Variants in CMSS1 observed in about 807,000 individuals in gnomAD.
The protein encoded by CMSS1 is cms1 ribosomal small subunit homolog, also known as protein CMSS1.
In CMSS1, 33 loss-of-function variants were observed where a neutral mutation model predicts 43.5. The ratio of observed to expected loss-of-function variants is 0.76; its 90% CI spans 0.57 to 1.01. The LOEUF (loss-of-function observed/expected upper bound fraction) is 1.01, where lower values mean the gene tolerates loss of function less well. CMSS1 is among the 50% of genes least tolerant of loss of function. The pLI, the probability that CMSS1 is intolerant of heterozygous loss-of-function variation, is 0.00. For synonymous variants in CMSS1, 115 were observed against 117.2 expected, an observed-to-expected ratio of 0.98 and a Z score of 0.12; for missense variants, 313 against 326.4, an observed-to-expected ratio of 0.96 and a Z score of 0.32.
intron 1 of CMSS1, among the ~76,000 whole-genome samples, chr3:100,023,833 T>G (rs897223055): frequency 1.3e-5 from 2 of 152,218 alleles, no homozygotes; most frequent in African/African-American, 4.8e-5. Context: ...TCCTTCACAG[T>G]GCTCATTGCC....
At position 99,849,690 on chromosome 3, in the gene CMSS1, C is replaced by G. The variant is rs774173611; in HGVS notation, c.64+31647C>G. ...GAGCTTTGTCTCGTTCATTAGCATA[C>G]CTTCGTTCTAGAGTCTCATATTCAT... On this transcript the variant is annotated intron_variant, in intron 1 of 9. Coordinates refer to ENST00000421999, the MANE Select transcript of CMSS1 (RefSeq NM_032359.4). 4 of 1,613,546 alleles carry G rather than the reference C, an allele frequency of 2.5e-6. No homozygotes were observed. The African/African-American group carries it at 5.3e-5, about 22-fold the overall frequency.
At chr3:100,022,138 A>G (rs919849865) in intron 1 of CMSS1, among the ~76,000 whole-genome samples, 7 of 152,206 alleles carry the variant, frequency 4.6e-5, no homozygotes, top group Non-Finnish European at 8.8e-5. Context: ...AAGCCCTTGG[A>G]AAAGAAATGA....
intron 1 of CMSS1, among the ~76,000 whole-genome samples, chr3:100,059,493 A>G (rs1439661391): frequency 6.6e-6 from 1 of 152,100 alleles, no homozygotes; most frequent in East Asian, 1.9e-4. Flanking sequence ...TTATTAAATA[A>G]TGGTGTGCTA....
At chr3:100,103,359 A>G (rs1181457248) in intron 1 of CMSS1, among the ~76,000 whole-genome samples, 1 of 152,230 alleles carries the variant, frequency 6.6e-6, no homozygotes, top group African/African-American at 2.4e-5. Flanking sequence ...CTCCATTCTG[A>G]AGGTTATTAT....
At chr3:100,105,799 T>C (rs991211692) in intron 1 of CMSS1, among the ~76,000 whole-genome samples, 1 of 152,194 alleles carries the variant, frequency 6.6e-6, no homozygotes, top group Admixed American at 6.6e-5. Context: ...CTTCTCCAAA[T>C]AGCATACCTC....
At chr3:99,883,869 A>T (rs973836680) in intron 1 of CMSS1, among the ~76,000 whole-genome samples, 3 of 152,218 alleles carry the variant, frequency 2.0e-5, no homozygotes, top group African/African-American at 7.2e-5. Context: ...TTTGTCTAAG[A>T]TCACAGAGCT....
At chr3:100,133,110 A>T (rs1415023378) in intron 1 of CMSS1, among the ~76,000 whole-genome samples, 1 of 152,112 alleles carries the variant, frequency 6.6e-6, no homozygotes, top group Non-Finnish European at 1.5e-5. Context: ...AAATATATAA[A>T]TGTTACATAT....
chr3:100,014,898 T>TA (rs34248769), intron 1 of CMSS1, among the ~76,000 whole-genome samples: 1 of 110,410 alleles, frequency 9.1e-6, no homozygotes, highest in Non-Finnish European at 2.0e-5. Flanking sequence ...TTTCTTTCTT[T>TA]TTTTTTTTTT....
At position 100,072,652 on chromosome 3, in the gene CMSS1, T is replaced by C. The variant is rs1050032130; in HGVS notation, c.65-74321T>C. Among the ~76,000 whole-genome samples the C allele has an allele frequency of 1.4e-4, 22 of 152,362 alleles. 1 individual carries two copies. Among genetic ancestry groups the C allele is most frequent in the South Asian group, 4.1e-4 (2 of 4,828 alleles). On this transcript the variant is annotated intron_variant, in intron 1 of 9. Coordinates refer to ENST00000421999, the MANE Select transcript of CMSS1 (RefSeq NM_032359.4). The stretch of plus-strand genomic sequence containing the variant: ...CTTCTTTGCAACAATTAGGAAATCT[T>C]TATTGCCTTCCAGAAATATGGGATT...
intron 1 of CMSS1, chr3:99,930,057 G>T: frequency 6.3e-7 from 1 of 1,575,392 alleles, no homozygotes. Flanking sequence ...ATTTCAGAAA[G>T]CCTGCTGTCT....
chr3:100,040,403 G>A lies in CMSS1; in HGVS notation c.65-106570G>A, dbSNP rs371508264. The A allele has an allele frequency of 2.2e-4, 34 of 152,134 alleles. No individual in the cohort carries two copies. The East Asian group carries it at 3.9e-3, about 17-fold the overall frequency. The allele number at this position is 152,134 out of a possible 1,614,324, so 9.4% of individuals were successfully genotyped here. On this transcript the variant is annotated intron_variant, in intron 1 of 9. Transcript: ENST00000421999. ...ATCATTTGTATAGTTCCAGATAATAGCATTCCATTTTAATATAGATGAGTA... is the reference window on the plus strand; with the variant it reads ...ATCATTTGTATAGTTCCAGATAATAACATTCCATTTTAATATAGATGAGTA...
At chr3:100,135,760 A>G (rs986572395) in intron 1 of CMSS1, among the ~76,000 whole-genome samples, 1 of 152,168 alleles carries the variant, frequency 6.6e-6, no homozygotes, top group African/African-American at 2.4e-5. Flanking sequence ...GAAATTTTGT[A>G]GCATTTAAGC....
intron 1 of CMSS1, among the ~76,000 whole-genome samples, chr3:99,872,408 G>C (rs1944846973): frequency 6.6e-6 from 1 of 151,046 alleles, no homozygotes; most frequent in African/African-American, 2.4e-5. Context: ...AATGTTTGCT[G>C]TTCTGATGTA....
At chr3:99,904,911 T>A (rs190443010) in intron 1 of CMSS1, among the ~76,000 whole-genome samples, 120 of 152,302 alleles carry the variant, frequency 7.9e-4, no homozygotes, top group African/African-American at 2.7e-3. Context: ...GTCTACATCC[T>A]CACCACCTTC....
chr3:100,156,972 T>C (rs1224896257), intron 2 of CMSS1, among the ~76,000 whole-genome samples: 1 of 152,068 alleles, frequency 6.6e-6, no homozygotes, highest in Non-Finnish European at 1.5e-5. Flanking sequence ...CCAGGGCTGG[T>C]CTCAAACTCC....
intron 8 of CMSS1, among the ~76,000 whole-genome samples, chr3:100,175,770 C>T (rs898058258): frequency 2.0e-5 from 3 of 152,250 alleles, no homozygotes; most frequent in Middle Eastern, 3.4e-3. Context: ...CCTCACAGTC[C>T]ATAATTGTCT....
chr3:99,820,018 G>T (rs1431053264), intron 1 of CMSS1, among the ~76,000 whole-genome samples: 2 of 151,892 alleles, frequency 1.3e-5, no homozygotes, highest in South Asian at 4.2e-4. Flanking sequence ...CTCCCAAAGT[G>T]CTGGGATTAC....
At chr3:99,872,269 C>CTGTGTGTGTGTGTGTGTGTGTGTG (rs55727823) in intron 1 of CMSS1, among the ~76,000 whole-genome samples, 3 of 110,820 alleles carry the variant, frequency 2.7e-5, no homozygotes, top group Non-Finnish European at 3.7e-5. Context: ...TGTGCCAGGA[C>CTGTGTGTGTGTGTGTGTGTGTGTG]TGTGTGTGTG....
chr3:99,866,050 A>G (rs1364759479), intron 1 of CMSS1, among the ~76,000 whole-genome samples: 3 of 151,192 alleles, frequency 2.0e-5, no homozygotes, highest in South Asian at 2.1e-4. Flanking sequence ...CTTAACCTCT[A>G]CTCTTCGTTG....
Sources: allele counts gnomAD v4.1 joint callset (sites outside exome capture counted in the v4.1 genomes callset), GRCh38; gene constraint gnomAD v4.1.1; transcripts MANE v1.5; gene names NCBI Gene and HGNC (gene_info 2026-07-23, HGNC 2026-07-21).